ARL5A: variants seen among roughly 807,000 people sequenced by gnomAD.
ARL5A encodes the protein ADP-ribosylation factor-like protein 5A.
ARL5A carries 18 observed loss-of-function variants against 25.9 expected under a neutral mutation model. The observed-to-expected ratio is 0.69, with a 90% CI of 0.48 to 1.03. ARL5A has a LOEUF of 1.03. ARL5A is among the 50% of genes least tolerant of loss of function. The probability of loss-of-function intolerance (pLI) is 0.00; values close to 1 mark genes in which losing one functional copy is unlikely to be tolerated. For missense variants in ARL5A, 170 were observed against 211.9 expected (o/e 0.80, Z 1.23); for synonymous variants, 61 against 67.5 (o/e 0.90, Z 0.47).
intron 5 of ARL5A, among the ~76,000 whole-genome samples, chr2:151,804,811 A>C (rs1041695825): frequency 1.3e-5 from 2 of 152,214 alleles, no homozygotes; most frequent in Admixed American, 1.3e-4. Flanking sequence ...GAAGCCACAC[A>C]CTGAAGTTTG....
chr2:151,809,013 ACTCCAGCCTGGGC>A (rs2099830479), intron 4 of ARL5A, among the ~76,000 whole-genome samples: 1 of 152,156 alleles, frequency 6.6e-6, no homozygotes, highest in Admixed American at 6.5e-5. Flanking sequence ...GCGCCACTGC[ACTCCAGCCTGGGC>A]AACAGAGTGA....
chr2:151,819,438 A>G (rs1179747393), intron 1 of ARL5A, among the ~76,000 whole-genome samples: 1 of 152,192 alleles, frequency 6.6e-6, no homozygotes, highest in African/African-American at 2.4e-5. Flanking sequence ...CATAAGGTAA[A>G]AGGTATCTAA....
At chr2:151,814,876 A>G (rs894769321) in intron 2 of ARL5A, among the ~76,000 whole-genome samples, 2 of 152,132 alleles carry the variant, frequency 1.3e-5, no homozygotes, top group Non-Finnish European at 2.9e-5. Context: ...GCACCCGGCC[A>G]TATTTTTCTA....
intron 4 of ARL5A, among the ~76,000 whole-genome samples, chr2:151,808,759 A>G (rs771845792): frequency 6.6e-6 from 1 of 152,198 alleles, no homozygotes; most frequent in Non-Finnish European, 1.5e-5. Context: ...AAATGAAACC[A>G]TTCATCAGCC....
In ARL5A at chr2:151,814,233, A is replaced by G. The variant is rs777125453; in HGVS notation, c.191T>C (p.Met64Thr). 5 of 1,608,546 alleles carry G rather than the reference A, an allele frequency of 3.1e-6. No homozygotes were observed. Among genetic ancestry groups the G allele is most frequent in the East Asian group, 2.2e-5 (1 of 44,458 alleles). ...EIVINNTRFLMWDIGGQESLR... is the reference protein window; with the variant it reads ...EIVINNTRFLTWDIGGQESLR... The stretch of plus-strand genomic sequence containing the variant: ...AGATTCTTGGCCACCAATATCCCAC[A>G]TTAGGAAACGTGTATTATTAATCAC... Residue 64 changes from methionine (M) to threonine (T), a missense_variant, in exon 3 of 6, where the codon ATG becomes ACG. Transcript: ENST00000295087.
At chr2:151,819,268 C>G (rs1249929038) in intron 1 of ARL5A, among the ~76,000 whole-genome samples, 1 of 152,200 alleles carries the variant, frequency 6.6e-6, no homozygotes, top group African/African-American at 2.4e-5. Context: ...AACCATGTTA[C>G]CATTTTTTCA....
rs1403436343 is a variant in ARL5A at position 151,801,741 on chromosome 2, C to T, written c.*1535G>A. 6.6e-6 allele frequency: 1 copy of T among 152,016 alleles called. No homozygotes were observed. Among genetic ancestry groups the T allele is most frequent in the South Asian group, 2.1e-4 (1 of 4,830 alleles). The allele number at this position is 152,016 out of a possible 1,614,324, so 9.4% of individuals were successfully genotyped here. On this transcript the variant is annotated 3_prime_UTR_variant, in exon 6 of 6. Coordinates refer to ENST00000295087, the MANE Select transcript of ARL5A (RefSeq NM_012097.4). ...TTAAACTATATACTATTATTCCTCA[C>T]CAAAATCTTCATGAAATTTAAAAGG...
intron 2 of ARL5A, among the ~76,000 whole-genome samples, chr2:151,814,681 G>A (rs924691916): frequency 2.0e-5 from 3 of 151,928 alleles, no homozygotes; most frequent in African/African-American, 7.3e-5. Context: ...TCAGTCTCCT[G>A]AGTAGCTGGA....
At chr2:151,808,078 AT>A (rs1297124335) in intron 4 of ARL5A, among the ~76,000 whole-genome samples, 1 of 152,048 alleles carries the variant, frequency 6.6e-6, no homozygotes, top group Non-Finnish European at 1.5e-5. Context: ...TATACACAAA[AT>A]TTTTTTAAGT....
Position 151,801,511 on chromosome 2 carries a change from A to T in ARL5A, c.*1765T>A, listed in dbSNP as rs1471220452. 1 of 152,176 alleles carries T rather than the reference A, an allele frequency of 6.6e-6. No homozygotes were observed. Among genetic ancestry groups the T allele is most frequent in the Non-Finnish European group, 1.5e-5 (1 of 67,974 alleles). 9.4% of individuals were successfully genotyped at this position (152,176 alleles called of 1,614,324 possible). The stretch of plus-strand genomic sequence containing the variant: ...TATAGGGATTTGAGAAAGTACGAGA[A>T]CATATGGGAAAAGCTTAGTAATTTA... On this transcript the variant is annotated 3_prime_UTR_variant, in exon 6 of 6. Transcript: ENST00000295087.
chr2:151,803,721 G>A (rs553951681), intron 5 of ARL5A, among the ~76,000 whole-genome samples: 7 of 152,224 alleles, frequency 4.6e-5, no homozygotes, highest in Admixed American at 2.0e-4. Context: ...CACCCAGAAC[G>A]CTGTCTGACA....
intron 1 of ARL5A, among the ~76,000 whole-genome samples, chr2:151,823,892 T>C (rs2099832689): frequency 6.6e-6 from 1 of 152,156 alleles, no homozygotes; most frequent in East Asian, 1.9e-4. Context: ...TTGGAGACGG[T>C]GTTCATGCTA....
chr2:151,803,582 A>G (rs1033060090), intron 5 of ARL5A, among the ~76,000 whole-genome samples: 5 of 152,128 alleles, frequency 3.3e-5, no homozygotes, highest in Admixed American at 2.0e-4. Flanking sequence ...GGCACAATCA[A>G]TGGCAGCCGT....
Position 151,801,794 on chromosome 2 carries a change from C to A in ARL5A, c.*1482G>T, listed in dbSNP as rs984381949. The A allele has an allele frequency of 1.3e-5, 2 of 151,340 alleles. No homozygotes were observed. The highest frequency in any genetic ancestry group is 4.8e-5 in the African/African-American group (2 of 41,258). The allele number at this position is 151,340 out of a possible 1,614,324, so 9.4% of individuals were successfully genotyped here. A position where few individuals can be genotyped will look rare whatever the true frequency, so the allele number is the denominator to read the frequency against. ...GATATTGAAGGTAGTTTTTTTTTCT[C>A]AAATATGCTAAAACATGTGAGTTTG... On this transcript the variant is annotated 3_prime_UTR_variant, in exon 6 of 6. Transcript: ENST00000295087.
intron 1 of ARL5A, among the ~76,000 whole-genome samples, chr2:151,817,169 A>G (rs2099831624): frequency 6.6e-6 from 1 of 152,206 alleles, no homozygotes; most frequent in African/African-American, 2.4e-5. Flanking sequence ...GAATTATCCT[A>G]ATTCTCCATT....
Position 151,828,399 on chromosome 2 carries a change from G to T in ARL5A, c.-223C>A. 1 of 397,650 alleles carries T rather than the reference G, an allele frequency of 2.5e-6. No individual in the cohort carries two copies. The highest frequency in any genetic ancestry group is 4.1e-5 in the East Asian group (1 of 24,180). 24.6% of individuals were successfully genotyped at this position (397,650 alleles called of 1,614,324 possible). ...CGCCGCGGCACTCGCCTGGCTCGCG[G>T]ACATCGCCGCCGCGTTGTCTGCGAC... On this transcript the variant is annotated 5_prime_UTR_variant, in exon 1 of 6. Coordinates refer to ENST00000295087, the MANE Select transcript of ARL5A (RefSeq NM_012097.4).
intron 1 of ARL5A, among the ~76,000 whole-genome samples, chr2:151,817,826 T>C (rs2099831722): frequency 6.6e-6 from 1 of 152,146 alleles, no homozygotes; most frequent in Non-Finnish European, 1.5e-5. Flanking sequence ...ACCAACATGG[T>C]AAAACTCCAT....
chr2:151,825,204 C>T (rs918099729), intron 1 of ARL5A, among the ~76,000 whole-genome samples: 1 of 152,140 alleles, frequency 6.6e-6, no homozygotes, highest in African/African-American at 2.4e-5. Context: ...CCACTGATCA[C>T]AAGCTCTTCT....
intron 2 of ARL5A, 70 bp from the exon 3 acceptor site, chr2:151,814,386 A>C: frequency 1.6e-6 from 2 of 1,221,072 alleles, no homozygotes; most frequent in East Asian, 2.6e-5. Flanking sequence ...TTTTTAATCA[A>C]GGACAAATCA....
Sources: allele counts gnomAD v4.1 joint callset (sites outside exome capture counted in the v4.1 genomes callset), GRCh38; gene constraint gnomAD v4.1.1; transcripts MANE v1.5; gene names NCBI Gene and HGNC (gene_info 2026-07-23, HGNC 2026-07-21).